Variants in FSTL1 observed in about 807,000 individuals in gnomAD.
FSTL1 encodes follistatin like 1.
FSTL1 carries 24 observed loss-of-function variants against 45.9 expected under a neutral mutation model. The observed-to-expected ratio is 0.52, with a 90% CI of 0.38 to 0.74. FSTL1 has a LOEUF of 0.74. FSTL1 is among the 30% of genes least tolerant of loss of function. FSTL1 has a pLI of 0.00. For missense variants in FSTL1, 340 were observed against 381.8 expected (o/e 0.89, Z 0.91); for synonymous variants, 120 against 137.6 (o/e 0.87, Z 0.89).
At chr3:120,417,806 C>T (rs187133831) in intron 2 of FSTL1, among the ~76,000 whole-genome samples, 1 of 152,338 alleles carries the variant, frequency 6.6e-6, no homozygotes. Context: ...CACAGCTCCA[C>T]AGGCAAACAC....
intron 9 of FSTL1, 49 bp downstream of exon 9, chr3:120,402,759 T>A: frequency 8.8e-7 from 1 of 1,134,524 alleles, no homozygotes; most frequent in South Asian, 1.2e-5. Context: ...GCTGATTTCA[T>A]GAAGCTCTCT....
chr3:120,450,546 C>G (rs1937866571), intron 2 of FSTL1, 138 bp downstream of exon 2: 1 of 520,056 alleles, frequency 1.9e-6, no homozygotes, highest in Non-Finnish European at 3.3e-6. Context: ...TGCCCCAGCT[C>G]CACCCCAGCA....
rs561731537 is a variant in FSTL1 at position 120,411,999 on chromosome 3, A to G, written c.169-16T>C. On this transcript the variant is annotated splice_polypyrimidine_tract_variant and intron_variant, in intron 3 of 10. Coordinates refer to ENST00000295633, the MANE Select transcript of FSTL1 (RefSeq NM_007085.5). ...GTTTGCATTGCTGAAACAGACCCAA[A>G]AGAGAATGTTTGTGCAGTTATGGAT... The G allele has an allele frequency of 6.2e-6, 10 of 1,605,360 alleles. No homozygotes were observed. The South Asian group carries it at 8.8e-5, about 14-fold the overall frequency.
At chr3:120,430,229 G>C (rs1355965331) in intron 2 of FSTL1, among the ~76,000 whole-genome samples, 1 of 149,724 alleles carries the variant, frequency 6.7e-6, no homozygotes, top group East Asian at 1.9e-4. Context: ...AATTTTCTCA[G>C]AGACTTTGGG....
intron 3 of FSTL1, 65 bp from the exon 4 acceptor site, chr3:120,412,048 CA>C: frequency 1.5e-6 from 1 of 669,994 alleles, no homozygotes; most frequent in South Asian, 2.5e-5. Flanking sequence ...CACACACACA[CA>C]CATACATGCA....
chr3:120,417,122 G>A (rs184686262), intron 2 of FSTL1, among the ~76,000 whole-genome samples: 4 of 152,284 alleles, frequency 2.6e-5, no homozygotes, highest in Admixed American at 1.3e-4. Flanking sequence ...AAAGACTGCA[G>A]GAGGCACGAT....
At chr3:120,424,655 C>A (rs2091726) in intron 2 of FSTL1, among the ~76,000 whole-genome samples, 36,374 of 151,946 alleles carry the variant, frequency 0.24, 5,492 homozygotes, top group Non-Finnish European at 0.35. Flanking sequence ...CTAGTGGTGG[C>A]ATGGTTATAG....
Position 120,392,861 on chromosome 3 carries a change from T to G in FSTL1, c.*4091A>C, listed in dbSNP as rs536376448. ...TATTTCAGAAATAATTCAAGAGGACTGATGATAACTTGATAAAGAAGCTCT... is the reference window on the plus strand; with the variant it reads ...TATTTCAGAAATAATTCAAGAGGACGGATGATAACTTGATAAAGAAGCTCT... On this transcript the variant is annotated 3_prime_UTR_variant, in exon 11 of 11. Coordinates refer to ENST00000295633, the MANE Select transcript of FSTL1 (RefSeq NM_007085.5). 348 of 143,764 alleles carry G rather than the reference T, an allele frequency of 2.4e-3. 2 individuals carry two copies. Among genetic ancestry groups the G allele is most frequent in the African/African-American group, 9.4e-3 (333 of 35,396 alleles). 8.9% of individuals were successfully genotyped at this position (143,764 alleles called of 1,614,324 possible). A position where few individuals can be genotyped will look rare whatever the true frequency, so the allele number is the denominator to read the frequency against.
intron 2 of FSTL1, among the ~76,000 whole-genome samples, chr3:120,433,754 G>A (rs1286076781): frequency 6.6e-6 from 1 of 152,202 alleles, no homozygotes; most frequent in Non-Finnish European, 1.5e-5. Flanking sequence ...GCTTTCTTGA[G>A]CTGGGACCTG....
At chr3:120,432,206 A>C (rs1937489625) in intron 2 of FSTL1, among the ~76,000 whole-genome samples, 1 of 152,182 alleles carries the variant, frequency 6.6e-6, no homozygotes, top group Non-Finnish European at 1.5e-5. Context: ...ACACTCTCTT[A>C]CTGCCAGCTT....
chr3:120,412,239 C>G (rs192325384), intron 3 of FSTL1, among the ~76,000 whole-genome samples: 1 of 152,182 alleles, frequency 6.6e-6, no homozygotes, highest in Non-Finnish European at 1.5e-5. Context: ...AAGAGACACC[C>G]TCTATAGTTT....
chr3:120,401,345 A>G (rs1461862097), intron 9 of FSTL1, among the ~76,000 whole-genome samples: 1 of 152,098 alleles, frequency 6.6e-6, no homozygotes, highest in Non-Finnish European at 1.5e-5. Flanking sequence ...CTGTAGTTAC[A>G]TTGGTTTGCT....
At chr3:120,417,412 C>T (rs1234098341) in intron 2 of FSTL1, among the ~76,000 whole-genome samples, 2 of 152,232 alleles carry the variant, frequency 1.3e-5, no homozygotes, top group Non-Finnish European at 1.5e-5. Flanking sequence ...AGCCAGCTTG[C>T]TGGTCATGCA....
At chr3:120,449,887 T>C (rs920611791) in intron 2 of FSTL1, among the ~76,000 whole-genome samples, 9 of 152,246 alleles carry the variant, frequency 5.9e-5, no homozygotes, top group African/African-American at 1.7e-4. Flanking sequence ...TGACCTCACT[T>C]TCCTGGAGAC....
intron 10 of FSTL1, 32 bp downstream of exon 10, chr3:120,399,851 A>G (rs1200443961): frequency 1.4e-6 from 2 of 1,479,964 alleles, no homozygotes; most frequent in Admixed American, 3.7e-5. Context: ...GGCAACAGCA[A>G]CACCTGAACC....
At chr3:120,418,273 T>C (rs140346948) in intron 2 of FSTL1, among the ~76,000 whole-genome samples, 168 of 152,302 alleles carry the variant, frequency 1.1e-3, no homozygotes, top group Non-Finnish European at 2.1e-3. Flanking sequence ...CCCTATTCCA[T>C]AGATGAGGAA....
intron 2 of FSTL1, among the ~76,000 whole-genome samples, chr3:120,425,763 G>A (rs1187793854): frequency 1.3e-5 from 2 of 152,240 alleles, no homozygotes; most frequent in East Asian, 1.9e-4. Flanking sequence ...AGGTTCTGAA[G>A]GGGGGATTAA....
At chr3:120,410,316 T>C (rs1937027157) in intron 5 of FSTL1, 1 of 172,890 alleles carries the variant, frequency 5.8e-6, no homozygotes, top group East Asian at 1.7e-4. Context: ...AGACAACACA[T>C]GCTGTGGGTG....
intron 2 of FSTL1, among the ~76,000 whole-genome samples, chr3:120,446,722 G>A (rs1200957726): frequency 3.3e-5 from 5 of 152,294 alleles, no homozygotes; most frequent in Middle Eastern, 3.4e-3. Flanking sequence ...ACATAGAGGA[G>A]CTCCCAAATA....
Sources: gnomAD v4.1 joint callset for allele counts (sites outside exome capture counted in the v4.1 genomes callset) on GRCh38, gnomAD v4.1.1 for gene constraint, MANE v1.5 for transcripts, NCBI Gene and HGNC (gene_info 2026-07-23, HGNC 2026-07-21) for gene names.